Variants in ARL13B observed in about 807,000 individuals in gnomAD.
The protein encoded by ARL13B is ADP-ribosylation factor-like protein 13B.
Under a neutral mutation model 56.1 loss-of-function variants are expected in ARL13B, and 36 were observed. The ratio of observed to expected loss-of-function variants is 0.64; its 90% CI spans 0.49 to 0.85. ARL13B has a LOEUF of 0.85. Ranked by LOEUF, ARL13B falls within the 40% of genes least tolerant of loss-of-function variation. The pLI is 0.00. For synonymous variants in ARL13B, 178 were observed against 171.1 expected (o/e 1.04, Z -0.32); for missense variants, 519 against 507.1 (o/e 1.02, Z -0.23).
chr3:94,010,604 G>A (rs964226530), intron 3 of ARL13B, among the ~76,000 whole-genome samples: 1 of 151,768 alleles, frequency 6.6e-6, no homozygotes, highest in African/African-American at 2.4e-5. Context: ...TGCCTATTAA[G>A]TGTGTATATA....
intron 3 of ARL13B, chr3:94,014,720 C>G: frequency 6.2e-7 from 1 of 1,612,916 alleles, no homozygotes; most frequent in Non-Finnish European, 8.5e-7. Context: ...TGAAGCATAT[C>G]ATTTACATCT....
At chr3:94,033,321 A>G (rs972943587) in intron 3 of ARL13B, among the ~76,000 whole-genome samples, 1 of 152,186 alleles carries the variant, frequency 6.6e-6, no homozygotes, top group Admixed American at 6.5e-5. Flanking sequence ...TATGCAATAT[A>G]TCACCACTAT....
chr3:94,008,690 A>G (rs972811484), intron 3 of ARL13B, among the ~76,000 whole-genome samples: 4 of 152,116 alleles, frequency 2.6e-5, no homozygotes, highest in Admixed American at 2.0e-4. Flanking sequence ...GGCCTCAGAG[A>G]GATAATAAAT....
chr3:94,044,786 G>A (rs936670827), intron 7 of ARL13B, among the ~76,000 whole-genome samples: 3 of 146,860 alleles, frequency 2.0e-5, no homozygotes, highest in African/African-American at 7.6e-5. Context: ...GAAGTGAGGA[G>A]CGCCTCTGCC....
Position 94,054,862 on chromosome 3 carries a change from C to T in ARL13B, c.*1599C>T, listed in dbSNP as rs560754382. On this transcript the variant is annotated 3_prime_UTR_variant, in exon 10 of 10. Transcript: ENST00000394222. ...GGCTGAAATGTGATGAAAAGCAATA[C>T]GAAAAGACAATGTAAACTTTGAAAA... is the stretch of plus-strand genomic sequence containing the variant. The T allele has an allele frequency of 5.7e-5, 19 of 331,984 alleles. No individual in the cohort carries two copies. Among genetic ancestry groups the T allele is most frequent in the Non-Finnish European group, 8.3e-5 (14 of 167,902 alleles). The allele number at this position is 331,984 out of a possible 1,614,324, so 20.6% of individuals were successfully genotyped here.
At chr3:93,988,672 G>A in intron 1 of ARL13B, 1 of 484,998 alleles carries the variant, frequency 2.1e-6, no homozygotes, top group Non-Finnish European at 4.1e-6. Flanking sequence ...TTCATCAAAG[G>A]TTGGAGTCTC....
chr3:94,044,071 C>T (rs1282209293), intron 7 of ARL13B, among the ~76,000 whole-genome samples: 1 of 152,156 alleles, frequency 6.6e-6, no homozygotes, highest in Non-Finnish European at 1.5e-5. Context: ...CTCTGCCTGC[C>T]CGCCACCCCG....
At chr3:94,014,767 C>T (rs755909303) in intron 3 of ARL13B, 23 of 1,613,494 alleles carry the variant, frequency 1.4e-5, no homozygotes, top group Middle Eastern at 3.3e-4. Flanking sequence ...TTCAAGCTGA[C>T]GTAAAATAAA....
At chr3:94,034,740 T>C (rs1387361626) in intron 3 of ARL13B, among the ~76,000 whole-genome samples, 1 of 152,206 alleles carries the variant, frequency 6.6e-6, no homozygotes, top group Non-Finnish European at 1.5e-5. Flanking sequence ...CTCTTATTTT[T>C]CTGTTTTGTA....
chr3:94,047,825 G>A (rs1276311017), intron 7 of ARL13B: 1 of 152,056 alleles, frequency 6.6e-6, no homozygotes, highest in East Asian at 1.9e-4. Flanking sequence ...CACTTTAATT[G>A]TACAAAGACC....
intron 2 of ARL13B, among the ~76,000 whole-genome samples, chr3:94,001,229 A>T (rs1200903659): frequency 1.3e-5 from 2 of 152,176 alleles, no homozygotes; most frequent in African/African-American, 4.8e-5. Flanking sequence ...CTGAATAGGA[A>T]CCAGAGGAAA....
At chr3:94,043,850 G>A (rs183098412) in intron 7 of ARL13B, among the ~76,000 whole-genome samples, 16 of 149,444 alleles carry the variant, frequency 1.1e-4, no homozygotes, top group African/African-American at 3.5e-4. Flanking sequence ...TGGAGATGGG[G>A]TTTCGCCATG....
In ARL13B at chr3:94,035,393, C is replaced by T; in HGVS notation, c.443C>T (p.Ser148Phe). ...GAAGCTGATGTCATTGAATGTCTAT[C>T]TCTGGAAAAATTGGTCAATGAGCAC... ...LGEADVIECL[S>F]LEKLVNEHKC... The change falls in exon 4 of 10, where the codon TCT (serine) becomes TTT (phenylalanine). Residue 148 changes from serine (S) to phenylalanine (F), a missense_variant. By Grantham distance (155) the Ser-to-Phe change is radical. Coordinates refer to ENST00000394222, the MANE Select transcript of ARL13B (RefSeq NM_001174150.2). 1.6e-5 allele frequency: 25 copies of T among 1,605,018 alleles called. No individual in the cohort carries two copies. The highest frequency in any genetic ancestry group is 2.1e-5 in the Non-Finnish European group (25 of 1,177,868).
intron 2 of ARL13B, among the ~76,000 whole-genome samples, chr3:93,998,063 A>G (rs2075995941): frequency 1.3e-5 from 2 of 152,222 alleles, no homozygotes; most frequent in South Asian, 4.1e-4. Flanking sequence ...TGAAATTTGA[A>G]TTTAATATAA....
In ARL13B at chr3:94,053,639, A is replaced by AT. The variant is rs1295154063; in HGVS notation, c.*382dup. ...TAGCCTATATTTCTAGATATTAAAT[A>AT]TTTTTTGTAAGATATATGCACATAG... On this transcript the variant is annotated 3_prime_UTR_variant, in exon 10 of 10. Transcript: ENST00000394222. The AT allele has an allele frequency of 4.5e-6, 2 of 444,634 alleles. No individual in the cohort carries two copies. The highest frequency in any genetic ancestry group is 8.9e-6 in the Non-Finnish European group (2 of 224,880). The allele number at this position is 444,634 out of a possible 1,614,324, so 27.5% of individuals were successfully genotyped here.
chr3:94,000,926 T>C (rs2076045414), intron 2 of ARL13B, among the ~76,000 whole-genome samples: 1 of 152,116 alleles, frequency 6.6e-6, no homozygotes, highest in African/African-American at 2.4e-5. Context: ...CGAGGATAGA[T>C]GGATAAATAC....
At chr3:93,987,509 AT>A (rs1022303111) in intron 1 of ARL13B, among the ~76,000 whole-genome samples, 4 of 150,964 alleles carry the variant, frequency 2.6e-5, no homozygotes, top group Non-Finnish European at 4.4e-5. Flanking sequence ...TCTACCTTTG[AT>A]TTTTTTTTGT....
chr3:94,002,164 T>A (rs1264637534), intron 2 of ARL13B, among the ~76,000 whole-genome samples: 1 of 152,130 alleles, frequency 6.6e-6, no homozygotes, highest in Non-Finnish European at 1.5e-5. Context: ...TAAACACCGG[T>A]GTTGTTCAGT....
intron 2 of ARL13B, among the ~76,000 whole-genome samples, chr3:93,997,162 G>A (rs1433666970): frequency 6.6e-6 from 1 of 151,992 alleles, no homozygotes; most frequent in Non-Finnish European, 1.5e-5. Flanking sequence ...ATTTCATTAT[G>A]TATTACAATG....
Sources: gnomAD v4.1 joint callset for allele counts (sites outside exome capture counted in the v4.1 genomes callset) on GRCh38, gnomAD v4.1.1 for gene constraint, MANE v1.5 for transcripts, NCBI Gene and HGNC (gene_info 2026-07-23, HGNC 2026-07-21) for gene names.